ZMYND8: variants seen among roughly 807,000 people sequenced by gnomAD.
The protein encoded by ZMYND8 is zinc finger MYND-type containing 8, also known as MYND-type zinc finger-containing chromatin reader ZMYND8.
Under a neutral mutation model 140.8 loss-of-function variants are expected in ZMYND8, and 37 were observed. The ratio of observed to expected loss-of-function variants is 0.26; its 90% CI spans 0.20 to 0.35. The LOEUF is 0.35. Ranked by LOEUF, ZMYND8 falls within the 10% of genes least tolerant of loss-of-function variation. ZMYND8 has a pLI of 1.00. For missense variants in ZMYND8, 1,068 were observed against 1,570.0 expected (o/e 0.68, Z 5.40); for synonymous variants, 592 against 597.1 (o/e 0.99, Z 0.12).
At chr20:47,324,063 G>C (rs1268926606) in intron 2 of ZMYND8, among the ~76,000 whole-genome samples, 1 of 151,952 alleles carries the variant, frequency 6.6e-6, no homozygotes, top group Non-Finnish European at 1.5e-5. Context: ...GCTGGGTGTG[G>C]TGGTGGAGGA....
chr20:47,350,543 G>A (rs545838124), intron 1 of ZMYND8, among the ~76,000 whole-genome samples: 21 of 151,634 alleles, frequency 1.4e-4, no homozygotes, highest in African/African-American at 4.8e-4. Context: ...AAAAGTAGGC[G>A]CAAGAAAAGA....
chr20:47,303,645 A>C (rs879899171), intron 3 of ZMYND8, among the ~76,000 whole-genome samples: 1 of 152,068 alleles, frequency 6.6e-6, no homozygotes, highest in Non-Finnish European at 1.5e-5. Context: ...GCGGTGAGCC[A>C]AGATCACACC....
chr20:47,261,835 G>A (rs13040322), intron 12 of ZMYND8, among the ~76,000 whole-genome samples: 20,225 of 152,094 alleles, frequency 0.13, 1,442 homozygotes, highest in Middle Eastern at 0.2. Flanking sequence ...ACTTTTGGAG[G>A]CAGAGGTGGG....
rs763401730 is a variant in ZMYND8, at chr20:47,236,341, G to C, written c.2841C>G (p.Ala947=). The part of the protein sequence containing the change: ...TASADVAADI[A]KYTSKMMDAI... ...ATCCACTCACTTTGCTAGTGTACTT[G>C]GCAATATCAGCGGCGACATCAGCTG... Residue 947 remains alanine (A), a synonymous_variant, in exon 16 of 23, where the codon GCC becomes GCG. Coordinates refer to ENST00000471951, the MANE Select transcript of ZMYND8 (RefSeq NM_001281775.3). 20 of 1,614,064 alleles carry C rather than the reference G, an allele frequency of 1.2e-5. No individual in the cohort carries two copies. The highest frequency in any genetic ancestry group is 1.7e-5 in the Non-Finnish European group (20 of 1,180,048).
chr20:47,320,941 G>A (rs540387275), intron 2 of ZMYND8, among the ~76,000 whole-genome samples: 9 of 152,248 alleles, frequency 5.9e-5, no homozygotes, highest in South Asian at 4.1e-4. Context: ...ATGGAATCCC[G>A]TCTGCATAGA....
intron 2 of ZMYND8, among the ~76,000 whole-genome samples, chr20:47,316,789 G>C (rs1601862456): frequency 6.9e-6 from 1 of 145,682 alleles, no homozygotes; most frequent in East Asian, 2.0e-4. Context: ...AGCAAGACTC[G>C]CTCTCAAAAA....
intron 12 of ZMYND8, among the ~76,000 whole-genome samples, chr20:47,261,538 T>C (rs1275388855): frequency 6.9e-6 from 1 of 144,080 alleles, no homozygotes; most frequent in African/African-American, 2.7e-5. Flanking sequence ...ACCCCATCTC[T>C]AAAAAAACAG....
chr20:47,304,228 A>C (rs2078304522), intron 3 of ZMYND8, among the ~76,000 whole-genome samples: 1 of 152,196 alleles, frequency 6.6e-6, no homozygotes, highest in Non-Finnish European at 1.5e-5. Context: ...CCCTGCTTCC[A>C]TAGGCTGGCT....
chr20:47,339,093 C>T (rs1170145959), intron 2 of ZMYND8, among the ~76,000 whole-genome samples: 2 of 151,786 alleles, frequency 1.3e-5, no homozygotes, highest in Non-Finnish European at 2.9e-5. Context: ...CTGCCTCAAC[C>T]TCCCAAGTAG....
intron 2 of ZMYND8, among the ~76,000 whole-genome samples, chr20:47,313,565 T>C (rs937624941): frequency 4.0e-5 from 6 of 151,546 alleles, no homozygotes; most frequent in African/African-American, 1.5e-4. Flanking sequence ...GAGCTTGCAG[T>C]GAGCCAAGAT....
At chr20:47,216,702 G>T (rs1042681309) in intron 21 of ZMYND8, among the ~76,000 whole-genome samples, 1 of 152,000 alleles carries the variant, frequency 6.6e-6, no homozygotes, top group African/African-American at 2.4e-5. Flanking sequence ...AGCTACTCGG[G>T]AGGCTGAGGC....
chr20:47,270,189 G>A (rs2075822632), intron 11 of ZMYND8, among the ~76,000 whole-genome samples: 1 of 151,018 alleles, frequency 6.6e-6, no homozygotes, highest in African/African-American at 2.4e-5. Flanking sequence ...GGTGAGCCAT[G>A]ATCACACCAC....
chr20:47,355,070 A>G (rs2083108233), intron 1 of ZMYND8, among the ~76,000 whole-genome samples: 2 of 152,112 alleles, frequency 1.3e-5, no homozygotes, highest in African/African-American at 4.8e-5. Context: ...CAGCTTCTAC[A>G]CCACCAATGT....
intron 16 of ZMYND8, among the ~76,000 whole-genome samples, chr20:47,231,212 C>A (rs2038432169): frequency 6.6e-6 from 1 of 152,170 alleles, no homozygotes. Context: ...TCCCACCTGC[C>A]AGCTGACTCT....
intron 8 of ZMYND8, chr20:47,285,569 C>T (rs1460543317): frequency 1.6e-6 from 1 of 617,862 alleles, no homozygotes; most frequent in African/African-American, 2.0e-5. Context: ...GTAATTACAA[C>T]TCCCAATATT....
intron 19 of ZMYND8, among the ~76,000 whole-genome samples, chr20:47,223,993 G>A (rs2037355886): frequency 6.6e-6 from 1 of 152,068 alleles, no homozygotes; most frequent in Admixed American, 6.6e-5. Context: ...AAAGAAATTG[G>A]GAATCCATAT....
At chr20:47,280,329 C>A (rs764464109) in intron 10 of ZMYND8, among the ~76,000 whole-genome samples, 9 of 152,110 alleles carry the variant, frequency 5.9e-5, no homozygotes, top group Non-Finnish European at 1.3e-4. Context: ...AAACTGGTGA[C>A]CATCAGACCC....
intron 3 of ZMYND8, among the ~76,000 whole-genome samples, chr20:47,302,608 T>TG: frequency 6.6e-6 from 1 of 152,304 alleles, no homozygotes; most frequent in East Asian, 1.9e-4. Context: ...TCTTACTTGA[T>TG]GTGTAGAAAA....
In ZMYND8 at chr20:47,219,055, ATTTTT is replaced by A. The variant is rs3092175; in HGVS notation, c.3484+1198_3484+1202del. On this transcript the variant is annotated intron_variant, in intron 21 of 22. Transcript: ENST00000471951. ...AACATGGCAAAACCCCGTTTCTACA[ATTTTT>A]TTTTTTTTTTTTTTTGAGAGAGAGT... Among the ~76,000 whole-genome samples, 28 of 110,926 alleles carry A rather than the reference ATTTTT, an allele frequency of 2.5e-4. No homozygotes were observed. In the East Asian group the frequency reaches 4.8e-3, roughly 19 times the overall value. 72.8% of individuals were successfully genotyped at this position (110,926 alleles called of 152,430 possible). A position where few individuals can be genotyped will look rare whatever the true frequency, so the allele number is the denominator to read the frequency against.
Sources: gnomAD v4.1 joint callset for allele counts (sites outside exome capture counted in the v4.1 genomes callset) on GRCh38, gnomAD v4.1.1 for gene constraint, MANE v1.5 for transcripts, NCBI Gene and HGNC (gene_info 2026-07-23, HGNC 2026-07-21) for gene names.